Variants in UBR7 observed in about 807,000 individuals in gnomAD.
UBR7 encodes putative E3 ubiquitin-protein ligase UBR7.
A neutral mutation model predicts 57.0 loss-of-function variants in UBR7; 22 were observed. That is an observed-to-expected ratio of 0.39 (90% CI 0.28 to 0.55). UBR7 has a LOEUF of 0.55. UBR7 is among the 20% of genes least tolerant of loss of function. UBR7 has a pLI of 0.69. For synonymous variants in UBR7, 167 were observed against 179.8 expected (o/e 0.93, Z 0.57); for missense variants, 395 against 513.2 (o/e 0.77, Z 2.23).
intron 10 of UBR7, chr14:93,224,128 C>T (rs867383567): frequency 1.3e-5 from 10 of 745,920 alleles, no homozygotes; most frequent in African/African-American, 3.5e-5. Context: ...ATAGTGTGCC[C>T]GAGGCCTTCA....
At chr14:93,220,222 CTTTT>C (rs528210789) in intron 8 of UBR7, 23 bp from the exon 9 acceptor site, 3,685 of 1,431,986 alleles carry the variant, frequency 2.6e-3, no homozygotes, top group Middle Eastern at 5.6e-3. Context: ...ACTCCTCTTT[CTTTT>C]TTTTTTTTTT....
chr14:93,224,372 C>CTTTTTTTT (rs761189322), intron 10 of UBR7, among the ~76,000 whole-genome samples: 2 of 93,792 alleles, frequency 2.1e-5, no homozygotes, highest in Non-Finnish European at 3.8e-5. Flanking sequence ...CCTTACAGTT[C>CTTTTTTTT]TTTTTTTTTT....
intron 6 of UBR7, among the ~76,000 whole-genome samples, chr14:93,216,966 C>G (rs1253352379): frequency 6.6e-6 from 1 of 152,158 alleles, no homozygotes; most frequent in Non-Finnish European, 1.5e-5. Context: ...CACACCCTTT[C>G]CAGTGATCTC....
rs150518102 is a variant in UBR7 at position 93,218,547 on chromosome 14, G to T, written c.622G>T (p.Asp208Tyr). 15 of 1,614,012 alleles carry T rather than the reference G, an allele frequency of 9.3e-6. No individual in the cohort carries two copies. The African/African-American group carries it at 2.0e-4, about 22-fold the overall frequency. ...CACAGTAACCAAAATATCCACTGAG[G>T]ATGATGGATTGGTGCGGAACATTGA... The part of the protein sequence containing the change: ...QLAVTKISTE[D>Y]DGLVRNIDGI... The change falls in exon 7 of 11, where the codon GAT becomes TAT. Residue 208 changes from aspartate to tyrosine, a missense_variant. Transcript: ENST00000013070.
intron 3 of UBR7, among the ~76,000 whole-genome samples, chr14:93,211,678 C>A (rs573099605): frequency 1.3e-5 from 2 of 152,082 alleles, no homozygotes; most frequent in Admixed American, 6.6e-5. Context: ...CATAGTGAGA[C>A]CCCATCTCTA....
In UBR7 at chr14:93,227,644, G is replaced by A. The variant is rs1395199113; in HGVS notation, c.*609G>A. On this transcript the variant is annotated 3_prime_UTR_variant, in exon 11 of 11. Coordinates refer to ENST00000013070, the MANE Select transcript of UBR7 (RefSeq NM_175748.4). ...GGACTGATGGTTTTCTGGTCTGGAT[G>A]TCTGTCACAGGCGGAGAGATTAACA... 1 of 700,864 alleles carries A rather than the reference G, an allele frequency of 1.4e-6. No homozygotes were observed. Among genetic ancestry groups the A allele is most frequent in the South Asian group, 1.5e-5 (1 of 67,508 alleles). 43.4% of individuals were successfully genotyped at this position (700,864 alleles called of 1,614,324 possible).
At chr14:93,210,030 A>G in intron 2 of UBR7, 73 bp downstream of exon 2, 1 of 1,538,574 alleles carries the variant, frequency 6.5e-7, no homozygotes, top group Non-Finnish European at 8.9e-7. Context: ...CTTTTTCCTA[A>G]TCTTGTTTTT....
chr14:93,215,659 A>T (rs1255342308), intron 6 of UBR7, among the ~76,000 whole-genome samples: 2 of 149,168 alleles, frequency 1.3e-5, no homozygotes, highest in African/African-American at 2.5e-5. Context: ...ACTGCAGTCC[A>T]GCCTGGGCAA....
At chr14:93,223,588 G>C (rs1894760410) in intron 10 of UBR7, 1 of 958,754 alleles carries the variant, frequency 1.0e-6, no homozygotes, top group Admixed American at 2.0e-5. Flanking sequence ...CCCGGGCGAG[G>C]GCCCTGCCCC....
intron 10 of UBR7, among the ~76,000 whole-genome samples, chr14:93,223,039 T>A (rs1302581486): frequency 3.3e-5 from 5 of 152,118 alleles, no homozygotes; most frequent in African/African-American, 9.7e-5. Flanking sequence ...GGAAAATGAC[T>A]GGACAGGAAA....
Position 93,218,647 on chromosome 14 carries a change from C to G in UBR7, c.722C>G (p.Pro241Arg). Residue 241 changes from proline to arginine, a missense_variant, in exon 7 of 11, where the codon CCA (proline) becomes CGA (arginine). Transcript: ENST00000013070. The stretch of plus-strand genomic sequence containing the variant: ...GATAGTACCCTCAAAGAGGATGTTC[C>G]AGAACAGGGAAAGGATGATGTCCGG... ...HQDSTLKEDV[P>R]EQGKDDVREV... 1.2e-6 allele frequency: 2 copies of G among 1,613,990 alleles called. No individual in the cohort carries two copies. The highest frequency in any genetic ancestry group is 1.7e-6 in the Non-Finnish European group (2 of 1,180,006).
intron 9 of UBR7, among the ~76,000 whole-genome samples, chr14:93,221,237 A>G (rs1263409306): frequency 6.6e-6 from 1 of 151,984 alleles, no homozygotes; most frequent in East Asian, 1.9e-4. Context: ...CAGCCTCCCA[A>G]GTAGCTGGGA....
In UBR7 at chr14:93,224,372, CTTTTTT is replaced by C. The variant is rs761189322; in HGVS notation, c.1185+2017_1185+2022del. On this transcript the variant is annotated intron_variant, in intron 10 of 10. Transcript: ENST00000013070. The stretch of plus-strand genomic sequence containing the variant: ...GAACAATTCCTACTTCCTTACAGTT[CTTTTTT>C]TTTTTTTTTTTTTTTTTTGAGATGG... 6.1e-3 allele frequency among the ~76,000 whole-genome samples: 570 copies of C among 93,778 alleles called. 5 individuals are homozygous for C. Among genetic ancestry groups the C allele is most frequent in the Non-Finnish European group, 8.9e-3 (469 of 52,510 alleles). 61.5% of individuals were successfully genotyped at this position (93,778 alleles called of 152,430 possible).
At chr14:93,207,669 A>G (rs912566205) in intron 1 of UBR7, among the ~76,000 whole-genome samples, 2 of 149,594 alleles carry the variant, frequency 1.3e-5, no homozygotes, top group Non-Finnish European at 3.0e-5. Context: ...CCTGTCTCCA[A>G]CTCTGTCCGG....
Position 93,229,093 on chromosome 14 carries a change from A to G in UBR7, c.*2058A>G, listed in dbSNP as rs751050574. ...TTATGCAAAACACAAATATGATATT[A>G]GTTGCTTTTAAGGAGTTCTGGCATT... is the stretch of plus-strand genomic sequence containing the variant. On this transcript the variant is annotated 3_prime_UTR_variant, in exon 11 of 11. Transcript: ENST00000013070. 5.4e-6 allele frequency: 2 copies of G among 372,166 alleles called. No homozygotes were observed. Among genetic ancestry groups the G allele is most frequent in the South Asian group, 4.1e-5 (2 of 49,002 alleles). 23.1% of individuals were successfully genotyped at this position (372,166 alleles called of 1,614,324 possible). A position where few individuals can be genotyped will look rare whatever the true frequency, so the allele number is the denominator to read the frequency against.
chr14:93,223,658 C>T (rs1449422391), intron 10 of UBR7: 14 of 1,386,820 alleles, frequency 1.0e-5, no homozygotes, highest in South Asian at 4.8e-5. Context: ...GGGCAGGACC[C>T]GGTGGGGCAG....
Position 93,227,215 on chromosome 14 carries a change from C to G in UBR7, c.*180C>G, listed in dbSNP as rs770578626. On this transcript the variant is annotated 3_prime_UTR_variant, in exon 11 of 11. Transcript: ENST00000013070. ...GTGTGGATGCTGACTTCACAGCCAG[C>G]GTCCTCTGTGACTCAGCTGATGCAG... The G allele has an allele frequency of 1.6e-6, 1 of 636,542 alleles. No homozygotes were observed. The highest frequency in any genetic ancestry group is 2.9e-6 in the Non-Finnish European group (1 of 345,072). 39.4% of individuals were successfully genotyped at this position (636,542 alleles called of 1,614,324 possible). A position where few individuals can be genotyped will look rare whatever the true frequency, so the allele number is the denominator to read the frequency against.
chr14:93,214,497 T>G (rs2140100638), intron 4 of UBR7, among the ~76,000 whole-genome samples: 1 of 152,372 alleles, frequency 6.6e-6, no homozygotes, highest in Non-Finnish European at 1.5e-5. Flanking sequence ...TCATAACATT[T>G]ACTTTTCAGT....
rs928099520 is a variant in UBR7 at position 93,226,888 on chromosome 14, G to A, written c.1186-55G>A. ...ACTTGTTTGTGAATGCTATGACCTC[G>A]GATTGCGATTCTGTTACTTAGTTCT... On this transcript the variant is annotated intron_variant, in intron 10 of 10. Coordinates refer to ENST00000013070, the MANE Select transcript of UBR7 (RefSeq NM_175748.4). 59 of 1,258,746 alleles carry A rather than the reference G, an allele frequency of 4.7e-5. No individual in the cohort carries two copies. In the East Asian group the frequency reaches 7.1e-4, roughly 15 times the overall value. 78.0% of individuals were successfully genotyped at this position (1,258,746 alleles called of 1,614,324 possible). A position where few individuals can be genotyped will look rare whatever the true frequency, so the allele number is the denominator to read the frequency against.
Sources: gnomAD v4.1 joint callset for allele counts (sites outside exome capture counted in the v4.1 genomes callset) on GRCh38, gnomAD v4.1.1 for gene constraint, MANE v1.5 for transcripts, NCBI Gene and HGNC (gene_info 2026-07-23, HGNC 2026-07-21) for gene names.